Variants in KLRG1 observed in about 807,000 individuals in gnomAD.
KLRG1 encodes killer cell lectin like receptor G1, also known as killer cell lectin-like receptor subfamily G member 1.
A neutral mutation model predicts 21.8 loss-of-function variants in KLRG1; 16 were observed. The observed-to-expected ratio is 0.73, with a 90% CI of 0.50 to 1.11. The LOEUF is 1.11. KLRG1 is among the 50% of genes most tolerant of loss of function. The pLI is 0.00. For synonymous variants in KLRG1, 69 were observed against 75.9 expected (o/e 0.91, Z 0.47); for missense variants, 173 against 218.3 (o/e 0.79, Z 1.31).
At chr12:9,114,083 C>T in the KLRG1 span, among the ~76,000 whole-genome samples, 152 of 152,320 alleles carry the variant, frequency 1.0e-3, 1 homozygote, top group Middle Eastern at 6.8e-3. Context: ...ACTTCACAGT[C>T]TCAGTTGTGG....
the KLRG1 span, chr12:9,064,475 T>TG: frequency 6.5e-6 from 1 of 154,602 alleles, no homozygotes. The surrounding 1 kb of genome is among the most constrained non-coding windows in gnomAD (Gnocchi z 4.0). Context: ...CGTTGCCGGG[T>TG]GGGGCGACGT....
At chr12:9,026,808 T>G in the KLRG1 span, among the ~76,000 whole-genome samples, 2 of 152,102 alleles carry the variant, frequency 1.3e-5, no homozygotes, top group African/African-American at 4.8e-5. Context: ...CATTATGGAG[T>G]GTTTTTTTCC....
chr12:8,996,011 A>G (rs1049195621), intron 3 of KLRG1, among the ~76,000 whole-genome samples: 4 of 152,146 alleles, frequency 2.6e-5, no homozygotes, highest in Admixed American at 6.5e-5. Context: ...AGGGAGGGAA[A>G]GATAGAGATC....
chr12:9,101,905 G>C, the KLRG1 span, among the ~76,000 whole-genome samples: 1 of 152,054 alleles, frequency 6.6e-6, no homozygotes, highest in African/African-American at 2.4e-5. Context: ...TATTTCTTAA[G>C]AGCATAAAAG....
chr12:9,111,971 C>A, the KLRG1 span: 2 of 760,466 alleles, frequency 2.6e-6, no homozygotes, highest in Non-Finnish European at 4.9e-6. Flanking sequence ...AGCACCAAGA[C>A]AGAAAGAATT....
chr12:9,107,742 T>C, the KLRG1 span: 3 of 1,407,054 alleles, frequency 2.1e-6, no homozygotes, highest in South Asian at 2.6e-5. Context: ...ATATTCCCTG[T>C]CTGTACTTCC....
At chr12:8,986,748 G>A (rs10842662), upstream of KLRG1, among the ~76,000 whole-genome samples, 54,581 of 151,930 alleles carry the variant, frequency 0.36, 10,890 homozygotes, top group South Asian at 0.44. Context: ...CAAATCTGAC[G>A]TTGAATTGTA....
downstream of KLRG1, among the ~76,000 whole-genome samples, chr12:9,012,396 TGAAAG>T (rs890747484): frequency 1.3e-5 from 2 of 152,028 alleles, no homozygotes; most frequent in African/African-American, 4.8e-5. Flanking sequence ...TGTGCTGCCT[TGAAAG>T]GAAGGACCCA....
the KLRG1 span, chr12:9,068,619 G>C: frequency 1.2e-6 from 1 of 812,950 alleles, no homozygotes; most frequent in Admixed American, 2.2e-5. Context: ...AGACTTGATG[G>C]AGACAAAATG....
chr12:9,185,790 A>T, the KLRG1 span, among the ~76,000 whole-genome samples: 1 of 134,266 alleles, frequency 7.4e-6, no homozygotes, highest in Non-Finnish European at 1.6e-5. Context: ...TATGTTCAAC[A>T]TTTCTTTTCT....
chr12:9,058,258 C>G, the KLRG1 span: 1 of 152,150 alleles, frequency 6.6e-6, no homozygotes, highest in East Asian at 1.9e-4. Flanking sequence ...ATCTAGCTAT[C>G]TCTCTATGTA....
At chr12:9,068,104 A>T in the KLRG1 span, 1 of 1,473,628 alleles carries the variant, frequency 6.8e-7, no homozygotes, top group South Asian at 1.2e-5. Context: ...ATATTTACCC[A>T]GCGTTTTATG....
At chr12:9,176,492 A>G in the KLRG1 span, among the ~76,000 whole-genome samples, 18 of 152,244 alleles carry the variant, frequency 1.2e-4, no homozygotes, top group Non-Finnish European at 1.5e-4. Context: ...AATAAAACGC[A>G]GTCCATATTC....
the KLRG1 span, chr12:9,110,015 G>A: frequency 1.2e-5 from 19 of 1,611,658 alleles, no homozygotes; most frequent in Admixed American, 1.3e-4. Flanking sequence ...GCCATTGTGC[G>A]ATGCGATTTC....
At chr12:9,181,119 A>T in the KLRG1 span, 1 of 1,614,112 alleles carries the variant, frequency 6.2e-7, no homozygotes, top group African/African-American at 1.3e-5. Flanking sequence ...TGCTGGGCTG[A>T]AGCTCAAATC....
chr12:9,157,961 C>G, the KLRG1 span: 1 of 832,968 alleles, frequency 1.2e-6, no homozygotes, highest in South Asian at 1.6e-5. Context: ...ATTTCCTTCT[C>G]TCTCTCTCTC....
chr12:9,164,481 T>C, the KLRG1 span, among the ~76,000 whole-genome samples: 1 of 152,214 alleles, frequency 6.6e-6, no homozygotes, highest in Non-Finnish European at 1.5e-5. Context: ...TAGGGTAGCT[T>C]GTGGACGTGC....
the KLRG1 span, chr12:9,200,948 A>G: frequency 1.9e-6 from 3 of 1,614,044 alleles, no homozygotes; most frequent in Non-Finnish European, 2.5e-6. Context: ...TGTCTGTACC[A>G]CCACCCTGTA....
At chr12:9,105,416 T>C in the KLRG1 span, among the ~76,000 whole-genome samples, 2 of 152,204 alleles carry the variant, frequency 1.3e-5, no homozygotes, top group Non-Finnish European at 2.9e-5. Flanking sequence ...TTGAATACAT[T>C]TTGGTGTCAT....
Sources: allele counts gnomAD v4.1 joint callset (sites outside exome capture counted in the v4.1 genomes callset), GRCh38; gene constraint gnomAD v4.1.1; non-coding constraint Gnocchi (gnomAD v3.1); transcripts MANE v1.5; gene names NCBI Gene and HGNC (gene_info 2026-07-23, HGNC 2026-07-21).